The following KIAA1328 variants were observed in gnomAD, a reference collection of about 807,000 sequenced individuals.
The protein encoded by KIAA1328 is protein hinderin.
In KIAA1328, 52 loss-of-function variants were observed where a neutral mutation model predicts 68.1. The ratio of observed to expected loss-of-function variants is 0.76; its 90% CI spans 0.61 to 0.96. KIAA1328 has a LOEUF of 0.96. KIAA1328 is among the 40% of genes least tolerant of loss of function. The pLI is 0.00. For missense variants in KIAA1328, 641 were observed against 677.6 expected, an observed-to-expected ratio of 0.95 and a Z score of 0.60; for synonymous variants, 232 against 239.4, an observed-to-expected ratio of 0.97 and a Z score of 0.28.
intron 9 of KIAA1328, among the ~76,000 whole-genome samples, chr18:37,211,542 G>T (rs953952180): frequency 4.6e-5 from 7 of 152,202 alleles, no homozygotes; most frequent in Admixed American, 2.0e-4. Context: ...CAATTGAGAA[G>T]CCCACATTCT....
intron 5 of KIAA1328, among the ~76,000 whole-genome samples, chr18:36,944,786 A>G (rs956171685): frequency 6.3e-4 from 96 of 152,332 alleles, no homozygotes; most frequent in African/African-American, 2.2e-3. Flanking sequence ...TGACCAGCAA[A>G]GAGGATAAAA....
intron 9 of KIAA1328, among the ~76,000 whole-genome samples, chr18:37,194,912 G>T (rs537780324): frequency 1.3e-5 from 2 of 152,062 alleles, no homozygotes; most frequent in Non-Finnish European, 2.9e-5. Flanking sequence ...ACACACCTTG[G>T]CCTCCCAAAG....
chr18:37,165,398 T>A (rs377409482), intron 8 of KIAA1328, among the ~76,000 whole-genome samples: 220 of 151,750 alleles, frequency 1.4e-3, no homozygotes, highest in African/African-American at 4.9e-3. Flanking sequence ...GGGTTTTTTT[T>A]ATTTTTATTT....
intron 7 of KIAA1328, among the ~76,000 whole-genome samples, chr18:37,145,526 G>T (rs1391500394): frequency 6.6e-6 from 1 of 151,852 alleles, no homozygotes; most frequent in Non-Finnish European, 1.5e-5. Context: ...TTATTTTTTG[G>T]TACTATCAAC....
Position 37,067,520 on chromosome 18 carries a change from C to A in KIAA1328, c.1207C>A (p.His403Asn). ...TKLLLKQQQL[H>N]QSRLDYNCLL... ...GCTTCTTCTAAAACAGCAGCAGCTT[C>A]ACCAGTCTCGACTGGATTACAATTG... The change falls in exon 7 of 10, where the codon CAC (histidine) becomes AAC (asparagine). Residue 403 changes from histidine to asparagine, a missense_variant. His to Asn is a moderately conservative substitution (Grantham distance 68). Transcript: ENST00000280020. 6.5e-7 allele frequency: 1 copy of A among 1,536,394 alleles called. No individual in the cohort carries two copies. The highest frequency in any genetic ancestry group is 2.0e-5 in the Admixed American group (1 of 50,678).
chr18:37,084,290 GT>G, intron 7 of KIAA1328: 1 of 976,920 alleles, frequency 1.0e-6, no homozygotes, highest in East Asian at 2.9e-5. Flanking sequence ...TTTAGGATAC[GT>G]TTGGTATACT....
rs184872802 is a variant in KIAA1328, at chr18:37,098,074, G to A, written c.1232+30529G>A. Among the ~76,000 whole-genome samples, 7 of 151,942 alleles carry A rather than the reference G, an allele frequency of 4.6e-5. No homozygotes were observed. In the South Asian group the frequency reaches 8.3e-4, roughly 18 times the overall value. ...ATTGAATACCCTTCATTTCCTTCTCGTGCCTGATTGCTCTGGCCAGAACTT... is the reference window on the plus strand; with the variant it reads ...ATTGAATACCCTTCATTTCCTTCTCATGCCTGATTGCTCTGGCCAGAACTT... On this transcript the variant is annotated intron_variant, in intron 7 of 9. Coordinates refer to ENST00000280020, the MANE Select transcript of KIAA1328 (RefSeq NM_020776.3).
chr18:36,985,693 C>T (rs947985396), intron 6 of KIAA1328, among the ~76,000 whole-genome samples: 8 of 152,168 alleles, frequency 5.3e-5, no homozygotes, highest in East Asian at 1.9e-4. Flanking sequence ...CCATATACCC[C>T]GGTAAACACA....
At chr18:36,840,611 A>G (rs1156705193) in intron 3 of KIAA1328, among the ~76,000 whole-genome samples, 3 of 152,008 alleles carry the variant, frequency 2.0e-5, no homozygotes, top group Admixed American at 1.3e-4. Flanking sequence ...ACGCACTACC[A>G]TGCCCAGATG....
chr18:36,900,014 G>A (rs1382447942), intron 5 of KIAA1328, among the ~76,000 whole-genome samples: 1 of 151,784 alleles, frequency 6.6e-6, no homozygotes, highest in Admixed American at 6.6e-5. Flanking sequence ...AGAATACAAT[G>A]GGATTTCTGT....
chr18:37,193,507 T>C (rs2092171723), intron 9 of KIAA1328: 1 of 663,992 alleles, frequency 1.5e-6, no homozygotes, highest in South Asian at 1.6e-5. Flanking sequence ...GAAAAACTTT[T>C]ACAGTTTCAG....
intron 9 of KIAA1328, among the ~76,000 whole-genome samples, chr18:37,221,151 G>A (rs1880750997): frequency 6.6e-6 from 1 of 152,174 alleles, no homozygotes; most frequent in South Asian, 2.1e-4. Flanking sequence ...TTACCTCTAA[G>A]CTGCTCTGCA....
At position 37,202,139 on chromosome 18, in the gene KIAA1328, A is replaced by ATT. The variant is rs35212774; in HGVS notation, c.1524-19870_1524-19869dup. ...GGCCTAGAGAAAGGTAAATGCTTCCATTTTTTTTTAACAAAAGCATACTTT... is the reference window on the plus strand; with the variant it reads ...GGCCTAGAGAAAGGTAAATGCTTCCATTTTTTTTTTTAACAAAAGCATACTTT... On this transcript the variant is annotated intron_variant, in intron 9 of 9. Transcript: ENST00000280020. 9.2e-3 allele frequency among the ~76,000 whole-genome samples: 1,397 copies of ATT among 151,344 alleles called. 29 individuals carry two copies. Among genetic ancestry groups the ATT allele is most frequent in the African/African-American group, 0.032 (1,313 of 41,242 alleles).
chr18:36,885,549 T>TTTTA lies in KIAA1328; in HGVS notation c.333-8_333-7insTTTA. 3 of 1,448,164 alleles carry TTTTA rather than the reference T, an allele frequency of 2.1e-6. No individual in the cohort carries two copies. The highest frequency in any genetic ancestry group is 2.8e-6 in the Non-Finnish European group (3 of 1,080,404). The allele number at this position is 1,448,164 out of a possible 1,614,324, so 89.7% of individuals were successfully genotyped here. ...TAGATGTTAAAGGTTTTTTTTTTTT[T>TTTTA]ATTTCAGAGTAAGTGAGGAAAAGGA... On this transcript the variant is annotated splice_region_variant and splice_polypyrimidine_tract_variant and intron_variant, in intron 4 of 9. Coordinates refer to ENST00000280020, the MANE Select transcript of KIAA1328 (RefSeq NM_020776.3).
At chr18:37,096,138 A>T (rs1305184944) in intron 7 of KIAA1328, among the ~76,000 whole-genome samples, 1 of 151,982 alleles carries the variant, frequency 6.6e-6, no homozygotes, top group Non-Finnish European at 1.5e-5. Flanking sequence ...GCAGGTTTTT[A>T]CATATGTACA....
At chr18:36,982,876 T>G (rs1217660224) in intron 6 of KIAA1328, among the ~76,000 whole-genome samples, 2 of 152,076 alleles carry the variant, frequency 1.3e-5, no homozygotes, top group African/African-American at 4.8e-5. Context: ...TATTTTGTTG[T>G]ATGGTTTTTA....
intron 9 of KIAA1328, among the ~76,000 whole-genome samples, chr18:37,189,880 A>G (rs1037032280): frequency 2.0e-5 from 3 of 152,202 alleles, no homozygotes; most frequent in African/African-American, 2.4e-5. Flanking sequence ...TAAGTTACCT[A>G]TAATCCTACT....
At chr18:36,896,587 A>G (rs1458271356) in intron 5 of KIAA1328, among the ~76,000 whole-genome samples, 1 of 152,188 alleles carries the variant, frequency 6.6e-6, no homozygotes, top group Admixed American at 6.6e-5. Context: ...CTGAAATTCA[A>G]AAAACATTTA....
chr18:36,881,057 G>T (rs2048313100), intron 4 of KIAA1328, among the ~76,000 whole-genome samples: 1 of 151,106 alleles, frequency 6.6e-6, no homozygotes, highest in South Asian at 2.1e-4. Context: ...TCAAATTTTG[G>T]TATCAAGGTA....
Sources: gnomAD v4.1 joint callset for allele counts (sites outside exome capture counted in the v4.1 genomes callset) on GRCh38, gnomAD v4.1.1 for gene constraint, MANE v1.5 for transcripts, NCBI Gene and HGNC (gene_info 2026-07-23, HGNC 2026-07-21) for gene names.